Variants in LRRC4C observed in about 807,000 individuals in gnomAD.
The protein encoded by LRRC4C is leucine rich repeat containing 4C, also known as leucine-rich repeat-containing protein 4C.
LRRC4C carries 5 observed loss-of-function variants against 33.6 expected under a neutral mutation model. The observed-to-expected ratio is 0.15, with a 90% confidence interval of 0.08 to 0.31. The LOEUF (loss-of-function observed/expected upper bound fraction) is 0.31, where lower values mean the gene tolerates loss of function less well. LRRC4C is among the 10% of genes least tolerant of loss of function. LRRC4C has a pLI of 1.00. For missense variants in LRRC4C, 560 were observed against 796.7 expected, an observed-to-expected ratio of 0.70 and a Z score of 3.58; for synonymous variants, 329 against 302.0, an observed-to-expected ratio of 1.09 and a Z score of -0.93.
At chr11:40,601,955 C>A (rs891992104) in intron 3 of LRRC4C, among the ~76,000 whole-genome samples, 1 of 151,840 alleles carries the variant, frequency 6.6e-6, no homozygotes, top group Non-Finnish European at 1.5e-5. Context: ...CTTTGGAAGG[C>A]CAAGGCAGGC....
intron 2 of LRRC4C, among the ~76,000 whole-genome samples, chr11:40,769,278 T>A (rs1949636612): frequency 6.6e-6 from 1 of 151,936 alleles, no homozygotes; most frequent in East Asian, 1.9e-4. Context: ...TGCAAAGAAA[T>A]GAAAAATCTG....
intron 3 of LRRC4C, among the ~76,000 whole-genome samples, chr11:40,373,411 T>C (rs1309937939): frequency 6.6e-6 from 1 of 152,128 alleles, no homozygotes; most frequent in Non-Finnish European, 1.5e-5. Flanking sequence ...ACATTTGCAA[T>C]ACATATAATC....
chr11:40,875,712 G>A (rs1954851804), intron 2 of LRRC4C, among the ~76,000 whole-genome samples: 1 of 151,976 alleles, frequency 6.6e-6, no homozygotes, highest in African/African-American at 2.4e-5. Context: ...AAACCTTTTT[G>A]GCTCCAGGGA....
chr11:40,931,440 A>G (rs1265468875), intron 2 of LRRC4C, among the ~76,000 whole-genome samples: 1 of 152,152 alleles, frequency 6.6e-6, no homozygotes, highest in East Asian at 1.9e-4. Flanking sequence ...TATGTTTAAT[A>G]AGCAGAGTCT....
At chr11:40,752,493 TA>T (rs561709044) in intron 2 of LRRC4C, among the ~76,000 whole-genome samples, 40 of 151,858 alleles carry the variant, frequency 2.6e-4, no homozygotes, top group Non-Finnish European at 4.7e-4. Context: ...ACAGGTATAT[TA>T]AAAAAACTTA....
chr11:40,884,590 G>A (rs1955345573), intron 2 of LRRC4C, among the ~76,000 whole-genome samples: 1 of 152,068 alleles, frequency 6.6e-6, no homozygotes, highest in Non-Finnish European at 1.5e-5. Flanking sequence ...CTGTTCTAAA[G>A]CTGAAGCAGT....
At chr11:41,071,330 T>C (rs1035109415) in intron 1 of LRRC4C, among the ~76,000 whole-genome samples, 8 of 152,066 alleles carry the variant, frequency 5.3e-5, no homozygotes, top group African/African-American at 1.9e-4. Flanking sequence ...GACAGGTTGA[T>C]AGGTGCAGCA....
At chr11:40,351,348 G>A (rs1486320168) in intron 3 of LRRC4C, among the ~76,000 whole-genome samples, 1 of 151,540 alleles carries the variant, frequency 6.6e-6, no homozygotes. Flanking sequence ...AATAATCTGT[G>A]TGCTGAGGAG....
At chr11:40,274,111 T>C (rs1457226856) in intron 4 of LRRC4C, among the ~76,000 whole-genome samples, 1 of 151,946 alleles carries the variant, frequency 6.6e-6, no homozygotes, top group Non-Finnish European at 1.5e-5. Flanking sequence ...GAACAAGAAA[T>C]GATTATTTCT....
chr11:40,532,646 T>C (rs1956315831), intron 3 of LRRC4C, among the ~76,000 whole-genome samples: 1 of 149,002 alleles, frequency 6.7e-6, no homozygotes, highest in South Asian at 2.1e-4. Context: ...ATTGTAAAAA[T>C]ATCAATGTTT....
chr11:41,290,526 A>G (rs1462063364), intron 1 of LRRC4C, among the ~76,000 whole-genome samples: 8 of 152,192 alleles, frequency 5.3e-5, no homozygotes, highest in Non-Finnish European at 1.2e-4. Context: ...TGCTGAATGT[A>G]TACTATTCAC....
At chr11:41,392,169 C>T (rs1043708438) in intron 1 of LRRC4C, among the ~76,000 whole-genome samples, 4 of 151,896 alleles carry the variant, frequency 2.6e-5, no homozygotes, top group Non-Finnish European at 4.4e-5. Context: ...GCACTTTCAT[C>T]TATGACCCGA....
At chr11:40,456,864 A>G (rs1200243059) in intron 3 of LRRC4C, among the ~76,000 whole-genome samples, 1 of 151,298 alleles carries the variant, frequency 6.6e-6, no homozygotes, top group African/African-American at 2.4e-5. Context: ...AGGAAGAGAG[A>G]GAAAGAGAAA....
chr11:40,783,388 C>T (rs1397409009), intron 2 of LRRC4C, among the ~76,000 whole-genome samples: 1 of 152,060 alleles, frequency 6.6e-6, no homozygotes, highest in Non-Finnish European at 1.5e-5. Flanking sequence ...CTCCACCTCC[C>T]TGGTTCAAGT....
intron 3 of LRRC4C, among the ~76,000 whole-genome samples, chr11:40,371,175 G>C: frequency 6.6e-6 from 1 of 151,856 alleles, no homozygotes; most frequent in East Asian, 1.9e-4. Context: ...TTTTTACACT[G>C]TTCACTTTCT....
chr11:41,384,313 G>A (rs1953270969), intron 1 of LRRC4C, among the ~76,000 whole-genome samples: 1 of 151,790 alleles, frequency 6.6e-6, no homozygotes, highest in Non-Finnish European at 1.5e-5. Context: ...TTATTTAGTT[G>A]TATTTTTATC....
intron 3 of LRRC4C, among the ~76,000 whole-genome samples, chr11:40,504,880 T>G (rs899623942): frequency 6.6e-6 from 1 of 152,172 alleles, no homozygotes; most frequent in Admixed American, 6.5e-5. Flanking sequence ...AATCCTAGGC[T>G]CACTTTAAAC....
chr11:40,786,367 G>T (rs1031166782), intron 2 of LRRC4C, among the ~76,000 whole-genome samples: 17 of 152,070 alleles, frequency 1.1e-4, no homozygotes, highest in Admixed American at 1.0e-3. Flanking sequence ...TGCCATATTT[G>T]TTTCTGCCAT....
At chr11:40,506,779 A>T (rs1477547733) in intron 3 of LRRC4C, among the ~76,000 whole-genome samples, 2 of 152,150 alleles carry the variant, frequency 1.3e-5, no homozygotes, top group African/African-American at 4.8e-5. Context: ...GCACAACAAT[A>T]GGCTAACAAA....
Sources: allele counts gnomAD v4.1 joint callset (sites outside exome capture counted in the v4.1 genomes callset), GRCh38; gene constraint gnomAD v4.1.1; transcripts MANE v1.5; gene names NCBI Gene and HGNC (gene_info 2026-07-23, HGNC 2026-07-21).